DACH1: variants seen among roughly 807,000 people sequenced by gnomAD.
DACH1 encodes dachshund homolog 1.
DACH1 carries 12 observed loss-of-function variants against 54.2 expected under a neutral mutation model. The observed-to-expected ratio is 0.22, with a 90% CI of 0.14 to 0.36. DACH1 has a LOEUF of 0.36. Ranked by LOEUF, DACH1 falls within the 10% of genes least tolerant of loss-of-function variation. DACH1 has a pLI of 1.00. For missense variants in DACH1, 805 were observed against 929.8 expected (o/e 0.87, Z 1.75); for synonymous variants, 386 against 366.2 (o/e 1.05, Z -0.62).
At chr13:71,615,332 T>C (rs1875679683) in intron 3 of DACH1, among the ~76,000 whole-genome samples, 1 of 152,226 alleles carries the variant, frequency 6.6e-6, no homozygotes, top group African/African-American at 2.4e-5. Flanking sequence ...CTAATGTTAA[T>C]GACCACTGTT....
chr13:71,493,568 CT>C (rs1879167842), intron 6 of DACH1, among the ~76,000 whole-genome samples: 1 of 152,088 alleles, frequency 6.6e-6, no homozygotes, highest in African/African-American at 2.4e-5. Context: ...CAGTATGTAA[CT>C]TTTTCTCTGG....
At chr13:71,446,447 G>A (rs771373387) in intron 10 of DACH1, among the ~76,000 whole-genome samples, 2 of 152,160 alleles carry the variant, frequency 1.3e-5, no homozygotes, top group African/African-American at 2.4e-5. Flanking sequence ...GATGTTAAAG[G>A]TGCTATATCG....
chr13:71,497,362 G>A (rs572049130), intron 6 of DACH1, among the ~76,000 whole-genome samples: 6 of 150,760 alleles, frequency 4.0e-5, no homozygotes, highest in Admixed American at 1.3e-4. Context: ...ACTGAGTTTC[G>A]CTCTTATTGC....
intron 10 of DACH1, among the ~76,000 whole-genome samples, chr13:71,471,174 G>A (rs188372782): frequency 4.0e-5 from 6 of 151,500 alleles, no homozygotes; most frequent in South Asian, 2.1e-4. Context: ...GGAAAGAGTC[G>A]TGACTGGGCA....
chr13:71,661,464 A>C (rs1368123136), intron 2 of DACH1, among the ~76,000 whole-genome samples: 1 of 152,002 alleles, frequency 6.6e-6, no homozygotes, highest in Non-Finnish European at 1.5e-5. Context: ...AATATAGATG[A>C]CTATGTATAT....
At chr13:71,498,309 T>C (rs1041996681) in intron 6 of DACH1, among the ~76,000 whole-genome samples, 1 of 152,172 alleles carries the variant, frequency 6.6e-6, no homozygotes, top group African/African-American at 2.4e-5. Context: ...TACTTATTAA[T>C]ATTTACTGAA....
intron 1 of DACH1, among the ~76,000 whole-genome samples, chr13:71,821,701 T>C (rs1017309153): frequency 1.3e-5 from 2 of 152,128 alleles, no homozygotes; most frequent in African/African-American, 2.4e-5. Context: ...GCCATCATCA[T>C]AAAGCATTTA....
intron 7 of DACH1, among the ~76,000 whole-genome samples, chr13:71,480,479 A>C (rs976610087): frequency 3.3e-5 from 5 of 152,240 alleles, no homozygotes; most frequent in African/African-American, 1.2e-4. Context: ...TGTTAAACAT[A>C]TAAAAAGCAT....
chr13:71,796,899 A>G (rs910599391), intron 1 of DACH1, among the ~76,000 whole-genome samples: 3 of 152,102 alleles, frequency 2.0e-5, no homozygotes. Context: ...CTCTTTGTTA[A>G]CTACTATCTC....
chr13:71,538,110 A>C (rs567872603), intron 6 of DACH1, among the ~76,000 whole-genome samples: 1 of 152,156 alleles, frequency 6.6e-6, no homozygotes, highest in Admixed American at 6.6e-5. Context: ...TTGACCTTTA[A>C]AACTCAATGC....
intron 2 of DACH1, among the ~76,000 whole-genome samples, chr13:71,639,224 A>G (rs1448354329): frequency 6.6e-6 from 1 of 152,164 alleles, no homozygotes; most frequent in Admixed American, 6.6e-5. Context: ...AATAAATTAA[A>G]ATTGTGATTG....
chr13:71,576,739 G>A (rs893808877), intron 3 of DACH1, among the ~76,000 whole-genome samples: 1 of 152,116 alleles, frequency 6.6e-6, no homozygotes, highest in African/African-American at 2.4e-5. Context: ...CAGATTTTGA[G>A]TATAATAAAT....
At chr13:71,712,222 A>G (rs1211851456) in intron 1 of DACH1, among the ~76,000 whole-genome samples, 1 of 152,100 alleles carries the variant, frequency 6.6e-6, no homozygotes. Flanking sequence ...ATATTCTTAA[A>G]TCATATTTTT....
chr13:71,639,079 G>T (rs921319651), intron 2 of DACH1, among the ~76,000 whole-genome samples: 1 of 152,138 alleles, frequency 6.6e-6, no homozygotes, highest in African/African-American at 2.4e-5. Context: ...AGTCTTAGAA[G>T]AACTCTTGGC....
chr13:71,600,388 A>G (rs561298170), intron 3 of DACH1, among the ~76,000 whole-genome samples: 1 of 152,086 alleles, frequency 6.6e-6, no homozygotes, highest in Non-Finnish European at 1.5e-5. Flanking sequence ...TTCACACTAT[A>G]TATGCCCAAA....
At chr13:71,654,457 AGT>A (rs1878937999) in intron 2 of DACH1, among the ~76,000 whole-genome samples, 1 of 120,804 alleles carries the variant, frequency 8.3e-6, no homozygotes, top group Non-Finnish European at 1.8e-5. Flanking sequence ...AATAAAATAA[AGT>A]AAAATAAAAT....
chr13:71,612,417 T>C (rs185267608), intron 3 of DACH1, among the ~76,000 whole-genome samples: 16 of 152,242 alleles, frequency 1.1e-4, no homozygotes, highest in East Asian at 1.9e-4. Flanking sequence ...GTCAACAAGA[T>C]GGATGCTGGC....
intron 10 of DACH1, among the ~76,000 whole-genome samples, chr13:71,444,822 C>G (rs1025616837): frequency 5.3e-5 from 8 of 152,182 alleles, no homozygotes; most frequent in Admixed American, 5.2e-4. Context: ...TCTTTTACTT[C>G]CCTCCCCTAG....
intron 6 of DACH1, among the ~76,000 whole-genome samples, chr13:71,523,651 T>C (rs1434990402): frequency 6.6e-6 from 1 of 152,108 alleles, no homozygotes; most frequent in Non-Finnish European, 1.5e-5. Context: ...TACTGTCTCT[T>C]AGATTTGAAC....
Sources: gnomAD v4.1 joint callset for allele counts (sites outside exome capture counted in the v4.1 genomes callset) on GRCh38, gnomAD v4.1.1 for gene constraint, MANE v1.5 for transcripts, NCBI Gene and HGNC (gene_info 2026-07-23, HGNC 2026-07-21) for gene names.